Variants in SNX27 observed in about 807,000 individuals in gnomAD.
The protein encoded by SNX27 is sorting nexin 27.
A neutral mutation model predicts 71.6 loss-of-function variants in SNX27; 22 were observed. That is an observed-to-expected ratio of 0.31 (90% CI 0.22 to 0.44). SNX27 has a LOEUF of 0.44. Among genes scored for constraint, SNX27 ranks in the 20% least tolerant of loss-of-function variants. SNX27 has a pLI of 1.00. For missense variants in SNX27, 531 were observed against 698.6 expected, an observed-to-expected ratio of 0.76 and a Z score of 2.70; for synonymous variants, 269 against 277.2, an observed-to-expected ratio of 0.97 and a Z score of 0.29.
At chr1:151,673,891 C>G (rs1356066773) in intron 7 of SNX27, among the ~76,000 whole-genome samples, 1 of 151,974 alleles carries the variant, frequency 6.6e-6, no homozygotes, top group Non-Finnish European at 1.5e-5. Context: ...CATGGAGTAT[C>G]TTTTTCCATC....
At chr1:151,655,824 T>C (rs2102671747) in intron 2 of SNX27, among the ~76,000 whole-genome samples, 1 of 152,344 alleles carries the variant, frequency 6.6e-6, no homozygotes, top group East Asian at 1.9e-4. Context: ...TAAAAGTTGA[T>C]TTTAAATATT....
chr1:151,681,488 C>T (rs1192605365), intron 7 of SNX27, among the ~76,000 whole-genome samples: 2 of 151,932 alleles, frequency 1.3e-5, no homozygotes, highest in African/African-American at 4.8e-5. Flanking sequence ...GTGATCCACC[C>T]GCCTTGGCCT....
intron 2 of SNX27, among the ~76,000 whole-genome samples, chr1:151,649,152 G>A (rs1013794889): frequency 1.4e-4 from 21 of 151,808 alleles, no homozygotes; most frequent in South Asian, 2.1e-4. Context: ...AGTAGAGACA[G>A]GGTTTCACCA....
chr1:151,612,378 C>T lies in SNX27; in HGVS notation c.177C>T (p.Gly59=). 4 of 1,540,580 alleles carry T rather than the reference C, an allele frequency of 2.6e-6. No individual in the cohort carries two copies. The highest frequency in any genetic ancestry group is 3.5e-6 in the Non-Finnish European group (4 of 1,147,146). Residue 59 remains glycine, a synonymous_variant, in exon 1 of 12, where the codon GGC becomes GGT. Transcript: ENST00000458013. The surrounding 1 kb of genome is among the most constrained non-coding windows in gnomAD (Gnocchi z 5.2). ...SESGYGFNVR[G]QVSEGGQLRS... ...CCGGCTACGGCTTCAACGTGCGGGG[C>T]CAAGTGAGCGAGGGCGGGCAACTGC...
At chr1:151,625,255 C>T (rs1454442968) in intron 1 of SNX27, among the ~76,000 whole-genome samples, 2 of 152,090 alleles carry the variant, frequency 1.3e-5, no homozygotes, top group African/African-American at 2.4e-5. Flanking sequence ...GCCTGTAATC[C>T]CAGTACTTTG....
intron 1 of SNX27, among the ~76,000 whole-genome samples, chr1:151,634,173 C>G (rs940673870): frequency 2.0e-5 from 3 of 152,038 alleles, no homozygotes; most frequent in Non-Finnish European, 4.4e-5. Context: ...AGACATGTAG[C>G]CATTGTGTAG....
intron 5 of SNX27, 179 bp downstream of exon 5, chr1:151,662,449 C>T (rs539995081): frequency 6.0e-5 from 24 of 399,032 alleles, no homozygotes; most frequent in Middle Eastern, 7.6e-4. Context: ...AAGAAAGGTA[C>T]GGTAAATATC....
chr1:151,637,034 C>T (rs1448549633), intron 1 of SNX27, among the ~76,000 whole-genome samples: 1 of 152,124 alleles, frequency 6.6e-6, no homozygotes, highest in African/African-American at 2.4e-5. Flanking sequence ...AGGTTAAAAA[C>T]TCAGTCAAGA....
intron 2 of SNX27, among the ~76,000 whole-genome samples, chr1:151,651,631 A>G (rs1211504848): frequency 6.7e-6 from 1 of 150,142 alleles, no homozygotes; most frequent in Admixed American, 6.6e-5. Flanking sequence ...CGCTCCCCAC[A>G]TCTCAGACGA....
intron 2 of SNX27, among the ~76,000 whole-genome samples, chr1:151,654,897 A>AATAT (rs1669605532): frequency 1.3e-5 from 2 of 152,160 alleles, no homozygotes; most frequent in Admixed American, 6.5e-5. Context: ...CCCACTTCTT[A>AATAT]ATATATGATA....
intron 1 of SNX27, among the ~76,000 whole-genome samples, chr1:151,618,698 T>C (rs184742164): frequency 3.3e-4 from 50 of 152,312 alleles, no homozygotes; most frequent in South Asian, 6.2e-4. Context: ...AGCAGACACT[T>C]AACAATTTAT....
chr1:151,635,384 CAA>C (rs1433168681), intron 1 of SNX27, among the ~76,000 whole-genome samples: 1 of 152,166 alleles, frequency 6.6e-6, no homozygotes, highest in Middle Eastern at 3.2e-3. Context: ...TATTCAAACC[CAA>C]GTCTGTTTGA....
intron 7 of SNX27, among the ~76,000 whole-genome samples, chr1:151,670,966 G>T (rs1044570021): frequency 1.1e-4 from 17 of 152,224 alleles, no homozygotes; most frequent in African/African-American, 4.1e-4. Context: ...TTTGTATATG[G>T]CAAGAGTTAG....
At chr1:151,689,115 A>G (rs1471071847) in intron 8 of SNX27, among the ~76,000 whole-genome samples, 1 of 152,122 alleles carries the variant, frequency 6.6e-6, no homozygotes, top group Admixed American at 6.5e-5. Context: ...TTCAGAGGGG[A>G]CGGACAGGGC....
intron 7 of SNX27, chr1:151,675,753 GTGTC>G (rs1317878844): frequency 1.5e-5 from 2 of 137,552 alleles, no homozygotes; most frequent in Non-Finnish European, 3.1e-5. Flanking sequence ...TCACTTTTTG[GTGTC>G]TGTCTTTCTT....
In SNX27 at chr1:151,683,403, C is replaced by G. The variant is rs1378992749; in HGVS notation, c.1197C>G (p.Ser399=). The G allele has an allele frequency of 6.2e-7, 1 of 1,613,822 alleles. No individual in the cohort carries two copies. Among genetic ancestry groups the G allele is most frequent in the Admixed American group, 1.7e-5 (1 of 59,984 alleles). The change falls in exon 8 of 12, where the codon TCC becomes TCG. Residue 399 remains serine, a synonymous_variant. Coordinates refer to ENST00000458013, the MANE Select transcript of SNX27 (RefSeq NM_001330723.2). ...KKGYIKAEEK[S]YQLQKLYEQR... is the part of the protein sequence containing the mutation. ...GTTACATCAAAGCAGAAGAAAAGTC[C>G]TATCAATTACAGAAGCTATACGAAC...
Position 151,693,822 on chromosome 1 carries a change from C to T in SNX27, c.1578+339C>T, listed in dbSNP as rs944558099. On this transcript the variant is annotated intron_variant, in intron 11 of 11. Transcript: ENST00000458013. ...GTTCCTGACCCACAGGGGAAGCTGT[C>T]CTCAGTTGTAGCCGTCTTGACTGGA... 4.9e-6 allele frequency: 7 copies of T among 1,441,774 alleles called. No individual in the cohort carries two copies. In the Middle Eastern group the frequency reaches 1.0e-3, roughly 209 times the overall value. The allele number at this position is 1,441,774 out of a possible 1,614,324, so 89.3% of individuals were successfully genotyped here. A position where few individuals can be genotyped will look rare whatever the true frequency, so the allele number is the denominator to read the frequency against.
rs532636343 is a variant in SNX27 at position 151,669,795 on chromosome 1, A to G, written c.1149+1160A>G. Among the ~76,000 whole-genome samples, 4 of 152,232 alleles carry G rather than the reference A, an allele frequency of 2.6e-5. No individual in the cohort carries two copies. In the East Asian group the frequency reaches 7.7e-4, roughly 29 times the overall value. On this transcript the variant is annotated intron_variant, in intron 7 of 11. Transcript: ENST00000458013. ...AGTAGGTGTATATATTTTGGGGTACATGAGATGTTTTGATACAGGCATATG... is the reference window on the plus strand; with the variant it reads ...AGTAGGTGTATATATTTTGGGGTACGTGAGATGTTTTGATACAGGCATATG...
intron 8 of SNX27, among the ~76,000 whole-genome samples, chr1:151,690,519 G>A (rs1331856164): frequency 6.6e-6 from 1 of 152,042 alleles, no homozygotes; most frequent in African/African-American, 2.4e-5. Flanking sequence ...GGAGTGCAGT[G>A]GTTCCATCAT....
Sources: allele counts gnomAD v4.1 joint callset (sites outside exome capture counted in the v4.1 genomes callset), GRCh38; gene constraint gnomAD v4.1.1; non-coding constraint Gnocchi (gnomAD v3.1); transcripts MANE v1.5; gene names NCBI Gene and HGNC (gene_info 2026-07-23, HGNC 2026-07-21).